Variants in RANBP2 observed in about 807,000 individuals in gnomAD.
The protein encoded by RANBP2 is E3 SUMO-protein ligase RanBP2.
RANBP2 carries 57 observed loss-of-function variants against 303.6 expected under a neutral mutation model. That is an observed-to-expected ratio of 0.19 (90% CI 0.15 to 0.23). RANBP2 has a LOEUF of 0.23. Among genes scored for constraint, RANBP2 ranks in the 10% least tolerant of loss-of-function variants. RANBP2 has a pLI of 1.00. For synonymous variants in RANBP2, 1,167 were observed against 1,301.5 expected, an observed-to-expected ratio of 0.90 and a Z score of 2.23; for missense variants, 3,138 against 3,780.8, an observed-to-expected ratio of 0.83 and a Z score of 4.46.
At chr2:109,599,331 G>A in the RANBP2 span, among the ~76,000 whole-genome samples, 1 of 151,880 alleles carries the variant, frequency 6.6e-6, no homozygotes, top group African/African-American at 2.4e-5. Flanking sequence ...GGTGGTGTGT[G>A]CCTGTAATCC....
the RANBP2 span, among the ~76,000 whole-genome samples, chr2:109,702,834 T>C: frequency 6.6e-6 from 1 of 150,554 alleles, no homozygotes; most frequent in Non-Finnish European, 1.5e-5. Flanking sequence ...AACTACGTCA[T>C]AGGTATATTG....
At chr2:109,301,348 GTGTGTT>G in the RANBP2 span, among the ~76,000 whole-genome samples, 46,067 of 150,446 alleles carry the variant, frequency 0.31, 8,304 homozygotes, top group East Asian at 0.9. Flanking sequence ...GTGTGTGTGT[GTGTGTT>G]TGTGTATGTT....
At chr2:109,263,027 G>T in the RANBP2 span, among the ~76,000 whole-genome samples, 1 of 151,880 alleles carries the variant, frequency 6.6e-6, no homozygotes, top group Non-Finnish European at 1.5e-5. Flanking sequence ...TGTATTTTTG[G>T]TAGAGACAGG....
chr2:108,913,967 AT>A, the RANBP2 span, among the ~76,000 whole-genome samples: 4 of 148,740 alleles, frequency 2.7e-5, no homozygotes, highest in East Asian at 4.0e-4. Flanking sequence ...AAAAAAAAAA[AT>A]CTAGAAAAGG....
At chr2:109,220,967 A>C in the RANBP2 span, among the ~76,000 whole-genome samples, 1 of 152,240 alleles carries the variant, frequency 6.6e-6, no homozygotes, top group South Asian at 2.1e-4. Context: ...ATATGTGTAC[A>C]CCAATGTTCA....
the RANBP2 span, among the ~76,000 whole-genome samples, chr2:109,404,837 A>G: frequency 1.3e-5 from 2 of 152,118 alleles, no homozygotes; most frequent in Non-Finnish European, 2.9e-5. Flanking sequence ...TGCCCTGTCC[A>G]GCATCCTCCT....
At chr2:109,535,718 G>A in the RANBP2 span, among the ~76,000 whole-genome samples, 1 of 152,148 alleles carries the variant, frequency 6.6e-6, no homozygotes. Flanking sequence ...AGAGAGAGTG[G>A]ACCTTGAAAG....
chr2:109,041,793 G>A, the RANBP2 span, among the ~76,000 whole-genome samples: 2 of 147,932 alleles, frequency 1.4e-5, no homozygotes, highest in Non-Finnish European at 3.0e-5. Flanking sequence ...TGCCCACCTC[G>A]GCCTCCCAAA....
At chr2:108,787,773 A>G (rs966650786), downstream of RANBP2, among the ~76,000 whole-genome samples, 9 of 151,736 alleles carry the variant, frequency 5.9e-5, no homozygotes, top group African/African-American at 2.2e-4. Context: ...GGTTTATCTT[A>G]TAGATGCTTC....
the RANBP2 span, among the ~76,000 whole-genome samples, chr2:109,000,534 AAAAC>A: frequency 4.6e-5 from 7 of 152,300 alleles, no homozygotes; most frequent in South Asian, 2.1e-4. Context: ...CCCTGTCTCA[AAAAC>A]AAACAAACAA....
the RANBP2 span, among the ~76,000 whole-genome samples, chr2:109,149,094 G>T: frequency 9.2e-5 from 14 of 152,128 alleles, no homozygotes; most frequent in Admixed American, 3.9e-4. Flanking sequence ...ATGCAGGCCA[G>T]ACACTGTTCT....
At chr2:109,305,563 C>T in the RANBP2 span, among the ~76,000 whole-genome samples, 2 of 152,138 alleles carry the variant, frequency 1.3e-5, no homozygotes, top group Admixed American at 6.5e-5. Context: ...CAGGAAGCTC[C>T]GTACAAGCAG....
the RANBP2 span, among the ~76,000 whole-genome samples, chr2:109,102,357 C>T: frequency 6.6e-6 from 1 of 151,724 alleles, no homozygotes; most frequent in Non-Finnish European, 1.5e-5. Flanking sequence ...GCCTCGGCCT[C>T]CCAAAGTGCT....
chr2:109,515,290 T>TA, the RANBP2 span, among the ~76,000 whole-genome samples: 1 of 151,984 alleles, frequency 6.6e-6, no homozygotes, highest in South Asian at 2.1e-4. Context: ...TGATTCAGTG[T>TA]AAGTTGAGGA....
the RANBP2 span, among the ~76,000 whole-genome samples, chr2:109,134,524 T>C: frequency 6.6e-6 from 1 of 152,198 alleles, no homozygotes; most frequent in Non-Finnish European, 1.5e-5. Flanking sequence ...CAGGTGTGAA[T>C]GAAGCCTCTG....
At position 108,782,881 on chromosome 2, in the gene RANBP2, A is replaced by G. The variant is rs1288683022; in HGVS notation, c.9369+19A>G. 1.9e-6 allele frequency: 3 copies of G among 1,590,822 alleles called. No homozygotes were observed. Among genetic ancestry groups the G allele is most frequent in the Non-Finnish European group, 2.6e-6 (3 of 1,163,158 alleles). Reference sequence around the variant, plus strand: ...TTGCCAAGTAGGTATTATTAAGTACATACCACAATTGAGGTCTTGAAGAGT... The same window carrying G: ...TTGCCAAGTAGGTATTATTAAGTACGTACCACAATTGAGGTCTTGAAGAGT... On this transcript the variant is annotated intron_variant, in intron 28 of 28. Coordinates refer to ENST00000283195, the MANE Select transcript of RANBP2 (RefSeq NM_006267.5).
At chr2:109,147,447 T>C in the RANBP2 span, among the ~76,000 whole-genome samples, 2 of 152,350 alleles carry the variant, frequency 1.3e-5, no homozygotes, top group African/African-American at 4.8e-5. Context: ...AGAAACATCA[T>C]ATCTGTGCGT....
the RANBP2 span, among the ~76,000 whole-genome samples, chr2:109,356,154 T>C: frequency 6.6e-5 from 10 of 152,262 alleles, 1 homozygote; most frequent in Middle Eastern, 3.4e-3. Flanking sequence ...TTCTTAGAGT[T>C]AATTATGGAT....
chr2:109,197,697 C>T, the RANBP2 span, among the ~76,000 whole-genome samples: 1 of 152,228 alleles, frequency 6.6e-6, no homozygotes, highest in Non-Finnish European at 1.5e-5. Flanking sequence ...TGCCAGGGCC[C>T]AGTAGGGCCG....
Sources: gnomAD v4.1 joint callset for allele counts (sites outside exome capture counted in the v4.1 genomes callset) on GRCh38, gnomAD v4.1.1 for gene constraint, MANE v1.5 for transcripts, NCBI Gene and HGNC (gene_info 2026-07-23, HGNC 2026-07-21) for gene names.